ZFAND3: variants seen among roughly 807,000 people sequenced by gnomAD.
ZFAND3 encodes AN1-type zinc finger protein 3.
ZFAND3 carries 10 observed loss-of-function variants against 29.6 expected under a neutral mutation model. The observed-to-expected ratio is 0.34, with a 90% CI of 0.21 to 0.57. ZFAND3 has a LOEUF of 0.57. ZFAND3 is among the 20% of genes least tolerant of loss of function. The probability of loss-of-function intolerance (pLI) is 0.86; values close to 1 mark genes in which losing one functional copy is unlikely to be tolerated. For missense variants in ZFAND3, 230 were observed against 304.5 expected (o/e 0.76, Z 1.82); for synonymous variants, 128 against 112.6 (o/e 1.14, Z -0.87).
At chr6:37,870,409 C>G (rs967446807) in intron 1 of ZFAND3, among the ~76,000 whole-genome samples, 3 of 151,442 alleles carry the variant, frequency 2.0e-5, no homozygotes, top group Admixed American at 2.0e-4. Context: ...CGAGACCAGC[C>G]TGGCCAACGT....
chr6:38,148,743 C>T (rs1474304682), intron 5 of ZFAND3, among the ~76,000 whole-genome samples: 2 of 152,130 alleles, frequency 1.3e-5, no homozygotes, highest in South Asian at 2.1e-4. Flanking sequence ...CACCTCTACC[C>T]GCCATCCCCT....
chr6:38,066,293 G>GAC (rs1231220499), intron 3 of ZFAND3, among the ~76,000 whole-genome samples: 6 of 152,202 alleles, frequency 3.9e-5, no homozygotes, highest in Admixed American at 3.3e-4. Context: ...ACCCAAGTGA[G>GAC]ACACTAAACA....
chr6:38,113,055 A>G (rs1765350852), intron 4 of ZFAND3, among the ~76,000 whole-genome samples: 1 of 152,218 alleles, frequency 6.6e-6, no homozygotes, highest in Middle Eastern at 3.2e-3. Flanking sequence ...GGCAGGGAGC[A>G]TTAGAGAGCA....
At chr6:37,915,176 T>TA (rs1761223480) in intron 1 of ZFAND3, among the ~76,000 whole-genome samples, 1 of 152,194 alleles carries the variant, frequency 6.6e-6, no homozygotes, top group South Asian at 2.1e-4. Context: ...ACACTTCTCT[T>TA]ATGCAGCTTC....
chr6:38,014,513 G>C (rs2127445197), intron 2 of ZFAND3, among the ~76,000 whole-genome samples: 1 of 152,058 alleles, frequency 6.6e-6, no homozygotes, highest in East Asian at 1.9e-4. Context: ...TTTTAGTAGA[G>C]ACGGGGTTTT....
At chr6:38,064,874 G>A (rs1186745712) in intron 3 of ZFAND3, among the ~76,000 whole-genome samples, 1 of 152,122 alleles carries the variant, frequency 6.6e-6, no homozygotes, top group Non-Finnish European at 1.5e-5. Context: ...TTTGCCAGTT[G>A]GAGATATGGT....
chr6:37,827,101 A>T (rs1763774807), intron 1 of ZFAND3, among the ~76,000 whole-genome samples: 1 of 152,152 alleles, frequency 6.6e-6, no homozygotes, highest in Non-Finnish European at 1.5e-5. Context: ...GGACTTAGCT[A>T]ATTTAGCTCT....
intron 1 of ZFAND3, among the ~76,000 whole-genome samples, chr6:37,882,949 T>C (rs1057373872): frequency 1.3e-5 from 2 of 152,140 alleles, no homozygotes; most frequent in Non-Finnish European, 2.9e-5. Flanking sequence ...CTGGGTGCAT[T>C]GTCTCATGCC....
rs78683944 is a variant in ZFAND3 at position 38,110,472 on chromosome 6, G to GT, written c.362-6095dup. Among the ~76,000 whole-genome samples the GT allele has an allele frequency of 0.017, 2,580 of 152,196 alleles. 252 individuals are homozygous for GT. In the East Asian group the frequency reaches 0.28, roughly 17 times the overall value. ...GGTTTTTTTCAAGTCTCTTTTATCA[G>GT]TTTTTCCAGTGAGAGTGTGGTATTT... On this transcript the variant is annotated intron_variant, in intron 4 of 5. Coordinates refer to ENST00000287218, the MANE Select transcript of ZFAND3 (RefSeq NM_021943.3).
At chr6:37,851,382 C>A (rs572754614) in intron 1 of ZFAND3, among the ~76,000 whole-genome samples, 1 of 152,186 alleles carries the variant, frequency 6.6e-6, no homozygotes, top group African/African-American at 2.4e-5. Flanking sequence ...TAGATCTGTT[C>A]ATTTCATTTA....
At chr6:37,909,170 A>G (rs1765472492) in intron 1 of ZFAND3, among the ~76,000 whole-genome samples, 1 of 152,136 alleles carries the variant, frequency 6.6e-6, no homozygotes, top group African/African-American at 2.4e-5. Flanking sequence ...ACTCGATTGC[A>G]CTTTAGCACT....
chr6:37,885,576 G>A (rs1404455614), intron 1 of ZFAND3, among the ~76,000 whole-genome samples: 42 of 152,254 alleles, frequency 2.8e-4, no homozygotes, highest in Admixed American at 2.5e-3. Context: ...CCTGGGAGGC[G>A]GAGGTTGCAG....
At chr6:37,898,599 C>T (rs1487975606) in intron 1 of ZFAND3, among the ~76,000 whole-genome samples, 1 of 152,012 alleles carries the variant, frequency 6.6e-6, no homozygotes, top group East Asian at 1.9e-4. Context: ...TATATATTTC[C>T]ATTTATGTAA....
intron 1 of ZFAND3, among the ~76,000 whole-genome samples, chr6:37,862,560 T>C (rs905881659): frequency 6.6e-6 from 1 of 151,248 alleles, no homozygotes; most frequent in Admixed American, 6.6e-5. Flanking sequence ...GGTGCTTGCC[T>C]ATAGGCTCAG....
chr6:37,840,701 A>G (rs1764057552), intron 1 of ZFAND3, among the ~76,000 whole-genome samples: 2 of 152,330 alleles, frequency 1.3e-5, no homozygotes, highest in Non-Finnish European at 1.5e-5. Context: ...TAGTCTTCCT[A>G]TCCTTGAACA....
chr6:38,147,682 G>T (rs1459666649), intron 5 of ZFAND3, among the ~76,000 whole-genome samples: 1 of 152,152 alleles, frequency 6.6e-6, no homozygotes, highest in African/African-American at 2.4e-5. Context: ...ACTGACTGGG[G>T]TAAGATATCT....
At chr6:37,874,425 G>T (rs956288275) in intron 1 of ZFAND3, among the ~76,000 whole-genome samples, 1 of 142,562 alleles carries the variant, frequency 7.0e-6, no homozygotes, top group Non-Finnish European at 1.5e-5. Flanking sequence ...TGAGGCAGGA[G>T]AATCACTTGA....
In ZFAND3 at chr6:37,965,695, T is replaced by C. The variant is rs948984108; in HGVS notation, c.112+35696T>C. On this transcript the variant is annotated intron_variant, in intron 2 of 5. Transcript: ENST00000287218. ...TAGACAAATCAGCTGTGCTAAGTAGTTGAGAATAGGATACTGAATACTGCT... is the reference window on the plus strand; with the variant it reads ...TAGACAAATCAGCTGTGCTAAGTAGCTGAGAATAGGATACTGAATACTGCT... Among the ~76,000 whole-genome samples, 45 of 152,170 alleles carry C rather than the reference T, an allele frequency of 3.0e-4. 2 individuals carry two copies. The highest frequency in any genetic ancestry group is 5.9e-4 in the Admixed American group (9 of 15,274).
intron 3 of ZFAND3, among the ~76,000 whole-genome samples, chr6:38,066,518 C>T (rs538525071): frequency 1.3e-5 from 2 of 152,282 alleles, no homozygotes; most frequent in South Asian, 4.1e-4. Context: ...GATGCCAAAT[C>T]CAAGTACCGT....
Sources: allele counts gnomAD v4.1 joint callset (sites outside exome capture counted in the v4.1 genomes callset), GRCh38; gene constraint gnomAD v4.1.1; transcripts MANE v1.5; gene names NCBI Gene and HGNC (gene_info 2026-07-23, HGNC 2026-07-21).